The following PTPRH variants were observed in gnomAD, a reference collection of about 807,000 sequenced individuals.
PTPRH encodes the protein receptor-type tyrosine-protein phosphatase H.
A neutral mutation model predicts 130.2 loss-of-function variants in PTPRH; 113 were observed. That is an observed-to-expected ratio of 0.87 (90% CI 0.75 to 1.01). The LOEUF (loss-of-function observed/expected upper bound fraction) is 1.01, where lower values mean the gene tolerates loss of function less well. PTPRH is among the 50% of genes least tolerant of loss of function. The pLI is 0.00. For missense variants in PTPRH, 1,430 were observed against 1,425.0 expected (o/e 1.00, Z -0.06); for synonymous variants, 556 against 577.9 (o/e 0.96, Z 0.54).
intron 10 of PTPRH, 134 bp from the exon 11 acceptor site, chr19:55,191,875 G>T: frequency 1.2e-6 from 1 of 804,754 alleles, no homozygotes; most frequent in Non-Finnish European, 2.2e-6. Context: ...CACACGGTGT[G>T]AATTGCGTCG....
chr19:55,185,973 C>T lies in PTPRH; in HGVS notation c.2790G>A (p.Glu930=), dbSNP rs1255875211. Residue 930 remains glutamate, a synonymous_variant, in exon 17 of 20, where the codon GAG becomes GAA. Transcript: ENST00000376350. ...GCTGCGAGTCCAGAGGCCAGTAATG[C>T]TCACACTTCACCTGGGGGAGGAGGA... ...NCMEAGRVKC[E]HYWPLDSQPC... 6.2e-7 allele frequency: 1 copy of T among 1,613,946 alleles called. No individual in the cohort carries two copies. Among genetic ancestry groups the T allele is most frequent in the South Asian group, 1.1e-5 (1 of 91,090 alleles).
Position 55,205,351 on chromosome 19 carries a change from G to A in PTPRH, c.594C>T (p.Ser198=), listed in dbSNP as rs534540082. The change falls in exon 4 of 20, where the codon TCC becomes TCT. Residue 198 remains serine, a synonymous_variant. Transcript: ENST00000376350. ...CTGTGGTGGCATTTCGAGTCTCCCGGGAGCTGTTGATTCCATTCTTTCCCA... is the reference window on the plus strand; with the variant it reads ...CTGTGGTGGCATTTCGAGTCTCCCGAGAGCTGTTGATTCCATTCTTTCCCA... ...MWVGKNGINS[S]RETRNATTAH... The A allele has an allele frequency of 1.9e-6, 3 of 1,614,016 alleles. No individual in the cohort carries two copies. The highest frequency in any genetic ancestry group is 4.5e-5 in the East Asian group (2 of 44,896).
At chr19:55,197,504 G>T in intron 8 of PTPRH, 88 bp from the exon 9 acceptor site, 1 of 1,282,128 alleles carries the variant, frequency 7.8e-7, no homozygotes, top group Non-Finnish European at 1.1e-6. Flanking sequence ...GCAAAGCTGA[G>T]ATATCCATTA....
chr19:55,201,734 C>T (rs1445301531), intron 6 of PTPRH, among the ~76,000 whole-genome samples: 1 of 152,198 alleles, frequency 6.6e-6, no homozygotes, highest in Admixed American at 6.5e-5. Context: ...AGTGTCCCCA[C>T]TCACAGTATC....
intron 5 of PTPRH, among the ~76,000 whole-genome samples, chr19:55,202,818 C>T (rs2086908050): frequency 6.6e-6 from 1 of 152,084 alleles, no homozygotes; most frequent in Non-Finnish European, 1.5e-5. Flanking sequence ...GTAGGCGGAT[C>T]ACCTGAGGTC....
At chr19:55,199,346 C>T (rs1022711232) in intron 7 of PTPRH, among the ~76,000 whole-genome samples, 1 of 151,686 alleles carries the variant, frequency 6.6e-6, no homozygotes, top group Non-Finnish European at 1.5e-5. Context: ...CAGTGGCTCA[C>T]GCCTGTAATC....
intron 18 of PTPRH, 67 bp downstream of exon 18, chr19:55,185,435 T>C (rs1014263008): frequency 3.8e-6 from 6 of 1,568,004 alleles, no homozygotes; most frequent in Non-Finnish European, 5.2e-6. Flanking sequence ...GGGTCCCGTC[T>C]AACACAACTG....
chr19:55,190,533 TAATA>T (rs1305498260), intron 12 of PTPRH, among the ~76,000 whole-genome samples: 5 of 138,384 alleles, frequency 3.6e-5, no homozygotes, highest in African/African-American at 1.3e-4. Context: ...TTATATTGTA[TAATA>T]TATATAATAT....
At chr19:55,206,375 G>A (rs1289657586) in intron 3 of PTPRH, among the ~76,000 whole-genome samples, 1 of 149,358 alleles carries the variant, frequency 6.7e-6, no homozygotes, top group Non-Finnish European at 1.5e-5. Flanking sequence ...CCAGGCTGGA[G>A]TGCAGCGGTC....
rs746084421 is a variant in PTPRH, at chr19:55,206,753, C to T, written c.288G>A (p.Thr96=). 8.1e-6 allele frequency: 13 copies of T among 1,613,826 alleles called. No homozygotes were observed. Among genetic ancestry groups the T allele is most frequent in the African/African-American group, 4.0e-5 (3 of 74,938 alleles). ...VDGLGPGSLY[T]CSVWVEKDGV... is the part of the protein sequence containing the mutation. ...CGTCTTTCTCCACCCACACAGAACA[C>T]GTATACAATGACCCGGGTCCAAGGC... Residue 96 remains threonine, a synonymous_variant, in exon 3 of 20, where the codon ACG becomes ACA. Transcript: ENST00000376350.
rs368568230 is a variant in PTPRH, at chr19:55,205,130, GC to G, written c.619+195del. 1.0e-3 allele frequency among the ~76,000 whole-genome samples: 159 copies of G among 152,270 alleles called. 3 individuals carry two copies. The East Asian group carries it at 0.025, about 24-fold the overall frequency. ...TCTAGAGAGTCCTAGACACAGACCG[GC>G]CCCAGCTTAGCAGCTGGAGGTACCA... is the stretch of plus-strand genomic sequence containing the variant. On this transcript the variant is annotated intron_variant, in intron 4 of 19. Coordinates refer to ENST00000376350, the MANE Select transcript of PTPRH (RefSeq NM_002842.5).
rs1270565436 is a variant in PTPRH, at chr19:55,197,160, C to T, written c.1947G>A (p.Arg649=). ...TLYNFTVWAE[R]NDVASSTQSL... Reference sequence around the variant, plus strand: ...TCTGCGTGGAACTGGCTACGTCATTCCTCTCTGCCCACACGGTGAAATTGT... The same window carrying T: ...TCTGCGTGGAACTGGCTACGTCATTTCTCTCTGCCCACACGGTGAAATTGT... Residue 649 remains arginine (R), a synonymous_variant, in exon 9 of 20, where the codon AGG becomes AGA. Transcript: ENST00000376350. 8 of 1,614,264 alleles carry T rather than the reference C, an allele frequency of 5.0e-6. No homozygotes were observed. In the South Asian group the frequency reaches 7.7e-5, roughly 16 times the overall value.
In PTPRH at chr19:55,205,569, T is replaced by C; in HGVS notation, c.376A>G (p.Arg126Gly). 6.2e-7 allele frequency: 1 copy of C among 1,614,190 alleles called. No homozygotes were observed. The highest frequency in any genetic ancestry group is 1.1e-5 in the South Asian group (1 of 91,074). The change falls in exon 4 of 20, where the codon AGA becomes GGA. Residue 126 changes from arginine to glycine, a missense_variant. By Grantham distance (125) the Arg-to-Gly change is moderately radical (BLOSUM62 -2). Transcript: ENST00000376350. The part of the protein sequence containing the change: ...ATAPNPVRNL[R>G]VEAQTNSSIA... ...GAGCTGTTGGTCTGAGCCTCCACTCTCAGGTTCCTCACTGGGTTGGGAGCT... is the reference window on the plus strand; with the variant it reads ...GAGCTGTTGGTCTGAGCCTCCACTCCCAGGTTCCTCACTGGGTTGGGAGCT...
At chr19:55,203,300 C>T (rs2086930362) in intron 5 of PTPRH, among the ~76,000 whole-genome samples, 1 of 135,072 alleles carries the variant, frequency 7.4e-6, no homozygotes, top group Non-Finnish European at 1.5e-5. Context: ...GCACTCCAGC[C>T]TGGGCGACAG....
At chr19:55,189,814 C>A (rs1044249225) in intron 12 of PTPRH, 1 of 447,648 alleles carries the variant, frequency 2.2e-6, no homozygotes, top group Non-Finnish European at 4.5e-6. Flanking sequence ...GACCACCCCC[C>A]CGACCTCCAT....
intron 6 of PTPRH, among the ~76,000 whole-genome samples, chr19:55,201,851 C>T (rs1385788476): frequency 6.6e-6 from 1 of 152,238 alleles, no homozygotes; most frequent in Admixed American, 6.5e-5. Context: ...GTCCTAGACA[C>T]AGACTGGCCC....
At chr19:55,203,275 C>T (rs951728391) in intron 5 of PTPRH, among the ~76,000 whole-genome samples, 1 of 133,446 alleles carries the variant, frequency 7.5e-6, no homozygotes, top group African/African-American at 2.9e-5. Context: ...TGCAGTGAGC[C>T]AAGATTGCGC....
Position 55,196,567 on chromosome 19 carries a change from T to C in PTPRH, c.2212A>G (p.Met738Val), listed in dbSNP as rs778309393. Residue 738 changes from methionine to valine, a missense_variant, in exon 10 of 20, where the codon ATG (methionine) becomes GTG (valine). Met to Val is a conservative substitution (Grantham distance 21). Transcript: ENST00000376350. ...ACCACAGAGTGAGACACGACCTTCA[T>C]TCCGTCCCAGATGGTCGTGATGGTG... is the stretch of plus-strand genomic sequence containing the variant. ...PATITTIWDG[M>V]KVVSHSVVCH... The C allele has an allele frequency of 6.2e-7, 1 of 1,613,466 alleles. No individual in the cohort carries two copies. The highest frequency in any genetic ancestry group is 8.5e-7 in the Non-Finnish European group (1 of 1,179,920).
At chr19:55,205,758 G>C (rs2087030708) in intron 3 of PTPRH, among the ~76,000 whole-genome samples, 166 bp from the exon 4 acceptor site, 1 of 152,202 alleles carries the variant, frequency 6.6e-6, no homozygotes, top group African/African-American at 2.4e-5. Flanking sequence ...CCGTGAGGTG[G>C]CTTTTGTGAA....
Sources: allele counts gnomAD v4.1 joint callset (sites outside exome capture counted in the v4.1 genomes callset), GRCh38; gene constraint gnomAD v4.1.1; transcripts MANE v1.5; gene names NCBI Gene and HGNC (gene_info 2026-07-23, HGNC 2026-07-21).